Variants in ABHD3 observed in about 807,000 individuals in gnomAD.
ABHD3 encodes the protein abhydrolase domain containing 3, phospholipase, also known as phospholipase ABHD3.
A neutral mutation model predicts 48.8 loss-of-function variants in ABHD3; 46 were observed. The observed-to-expected ratio is 0.94, with a 90% CI of 0.74 to 1.20. The LOEUF (loss-of-function observed/expected upper bound fraction) is 1.20, where lower values mean the gene tolerates loss of function less well. Ranked by LOEUF, ABHD3 falls within the 50% of genes most tolerant of loss-of-function variation. ABHD3 has a pLI of 0.00. For synonymous variants in ABHD3, 192 were observed against 183.7 expected, an observed-to-expected ratio of 1.04 and a Z score of -0.36; for missense variants, 490 against 497.8, an observed-to-expected ratio of 0.98 and a Z score of 0.15.
intron 4 of ABHD3, chr18:21,683,369 C>A: frequency 4.0e-6 from 1 of 252,414 alleles, no homozygotes; most frequent in Non-Finnish European, 8.6e-6. Context: ...CAATAACATT[C>A]CCACCATGTA....
intron 3 of ABHD3, among the ~76,000 whole-genome samples, chr18:21,693,787 C>T (rs907198257): frequency 8.5e-5 from 13 of 152,260 alleles, no homozygotes; most frequent in African/African-American, 3.1e-4. Context: ...ATTTTAACAA[C>T]AACAAAATGA....
Position 21,665,686 on chromosome 18 carries a change from G to GC in ABHD3, c.556-1457dup, listed in dbSNP as rs1269091225. Among the ~76,000 whole-genome samples, 13 of 151,826 alleles carry GC rather than the reference G, an allele frequency of 8.6e-5. No individual in the cohort carries two copies. The East Asian group carries it at 1.4e-3, about 16-fold the overall frequency. Reference sequence around the variant, plus strand: ...AAATTAGCCAGGTGTGGTGGTGGGCGCTGTAGTCCCAGCTACTCAGGAGGC... The same window carrying GC: ...AAATTAGCCAGGTGTGGTGGTGGGCGCCTGTAGTCCCAGCTACTCAGGAGGC... On this transcript the variant is annotated intron_variant, in intron 4 of 8. Transcript: ENST00000289119.
chr18:21,679,942 G>A (rs2039969793), intron 4 of ABHD3, among the ~76,000 whole-genome samples: 1 of 152,196 alleles, frequency 6.6e-6, no homozygotes, highest in African/African-American at 2.4e-5. Context: ...CCAAAGTGCT[G>A]GGATTACAGG....
At chr18:21,696,073 A>G (rs2040363214) in intron 3 of ABHD3, among the ~76,000 whole-genome samples, 1 of 150,930 alleles carries the variant, frequency 6.6e-6, no homozygotes, top group Non-Finnish European at 1.5e-5. Context: ...CTTCCCCCCT[A>G]GTAATAATGG....
At chr18:21,684,005 G>C in intron 3 of ABHD3, 40 bp from the exon 4 acceptor site, 1 of 1,549,618 alleles carries the variant, frequency 6.5e-7, no homozygotes, top group Non-Finnish European at 8.8e-7. Context: ...TTTTACACAT[G>C]ATTCTTGCTC....
intron 5 of ABHD3, among the ~76,000 whole-genome samples, chr18:21,659,560 CAT>C (rs1464137532): frequency 6.6e-6 from 1 of 152,150 alleles, no homozygotes; most frequent in African/African-American, 2.4e-5. Flanking sequence ...TGGGACAAAT[CAT>C]AGTTATTCCT....
At position 21,683,978 on chromosome 18, in the gene ABHD3, A is replaced by T; in HGVS notation, c.510-13T>A. On this transcript the variant is annotated splice_polypyrimidine_tract_variant and intron_variant, in intron 3 of 8. Coordinates refer to ENST00000289119, the MANE Select transcript of ABHD3 (RefSeq NM_138340.5). ...AAAAACCACACATCTAAAAACCAGG[A>T]AAGCAATTTTTGTTATTTTTACACA... is the stretch of plus-strand genomic sequence containing the variant. The T allele has an allele frequency of 1.3e-6, 2 of 1,591,368 alleles. No homozygotes were observed. The highest frequency in any genetic ancestry group is 4.5e-5 in the East Asian group (2 of 44,082).
intron 4 of ABHD3, among the ~76,000 whole-genome samples, chr18:21,668,835 G>C (rs1222481949): frequency 6.6e-6 from 1 of 152,108 alleles, no homozygotes; most frequent in Non-Finnish European, 1.5e-5. Flanking sequence ...TCTAGATAAA[G>C]CACTATACAA....
intron 4 of ABHD3, among the ~76,000 whole-genome samples, chr18:21,680,441 G>A (rs992047634): frequency 6.6e-6 from 1 of 152,208 alleles, no homozygotes; most frequent in Non-Finnish European, 1.5e-5. Context: ...CTTATAGCTG[G>A]TTAGTGGTGA....
chr18:21,666,447 C>T (rs1161013546), intron 4 of ABHD3, among the ~76,000 whole-genome samples: 2 of 151,942 alleles, frequency 1.3e-5, no homozygotes, highest in East Asian at 3.9e-4. Context: ...CCGCCTTGGC[C>T]TCCCAAAGTG....
intron 4 of ABHD3, among the ~76,000 whole-genome samples, chr18:21,672,613 A>G (rs2039780773): frequency 6.6e-6 from 1 of 152,194 alleles, no homozygotes; most frequent in Non-Finnish European, 1.5e-5. Flanking sequence ...AAGAGGAACA[A>G]TGCTTTTAAA....
intron 4 of ABHD3, among the ~76,000 whole-genome samples, chr18:21,679,174 A>C (rs1244732968): frequency 6.6e-6 from 1 of 152,190 alleles, no homozygotes; most frequent in African/African-American, 2.4e-5. Context: ...AGCTACATTA[A>C]ATTATTTCTG....
Position 21,659,322 on chromosome 18 carries a change from C to A in ABHD3, c.690G>T (p.Leu230Phe). ...AAGGCGTTTTGGACCCAATTTTGCC[C>A]AAGTAATTTAGAAGCAGCATTCTAA... ...SMGGMLLLNYLGKIGSKTPLM... is the reference protein window; with the variant it reads ...SMGGMLLLNYFGKIGSKTPLM... The change falls in exon 6 of 9, where the codon TTG becomes TTT. Residue 230 changes from leucine (L) to phenylalanine (F), a missense_variant. Physicochemically the swap from Leu to Phe is conservative, Grantham distance 22. Transcript: ENST00000289119. 1.2e-6 allele frequency: 2 copies of A among 1,608,998 alleles called. No individual in the cohort carries two copies. The highest frequency in any genetic ancestry group is 1.7e-6 in the Non-Finnish European group (2 of 1,178,554).
chr18:21,683,459 A>G, intron 4 of ABHD3: 1 of 426,220 alleles, frequency 2.3e-6, no homozygotes. Flanking sequence ...AAAAAAAATC[A>G]CTGTATTAGT....
chr18:21,699,064 A>T (rs552210481), intron 3 of ABHD3, among the ~76,000 whole-genome samples: 1 of 151,718 alleles, frequency 6.6e-6, no homozygotes, highest in African/African-American at 2.4e-5. Context: ...ATTCCTGAGT[A>T]GCTGGGATTA....
chr18:21,699,711 G>A (rs574933516), intron 3 of ABHD3, among the ~76,000 whole-genome samples: 2 of 152,186 alleles, frequency 1.3e-5, no homozygotes, highest in East Asian at 1.9e-4. Flanking sequence ...ATAGAGTTTC[G>A]CTCTTGTTGC....
chr18:21,702,622 C>T (rs1234220162), intron 2 of ABHD3, 124 bp from the exon 3 acceptor site: 3 of 783,488 alleles, frequency 3.8e-6, no homozygotes, highest in Middle Eastern at 3.8e-4. Flanking sequence ...TTCACGAACA[C>T]ACACCCATAT....
intron 4 of ABHD3, among the ~76,000 whole-genome samples, chr18:21,677,922 C>T (rs1327510541): frequency 6.6e-6 from 1 of 152,016 alleles, no homozygotes; most frequent in African/African-American, 2.4e-5. Flanking sequence ...CTCAGCCTCC[C>T]AAAGTGCTGG....
chr18:21,664,825 G>T (rs2039584860), intron 4 of ABHD3, among the ~76,000 whole-genome samples: 1 of 152,050 alleles, frequency 6.6e-6, no homozygotes, highest in African/African-American at 2.4e-5. Context: ...AGAGACAGGG[G>T]GGTCTTGCTA....
Sources: gnomAD v4.1 joint callset for allele counts (sites outside exome capture counted in the v4.1 genomes callset) on GRCh38, gnomAD v4.1.1 for gene constraint, MANE v1.5 for transcripts, NCBI Gene and HGNC (gene_info 2026-07-23, HGNC 2026-07-21) for gene names.